VWA3B: variants seen among roughly 807,000 people sequenced by gnomAD.
VWA3B encodes von Willebrand factor A domain containing 3B.
Under a neutral mutation model 158.3 loss-of-function variants are expected in VWA3B, and 138 were observed. That is an observed-to-expected ratio of 0.87 (90% CI 0.76 to 1.00). The LOEUF (loss-of-function observed/expected upper bound fraction) is 1.00. Ranked by LOEUF, VWA3B falls within the 50% of genes least tolerant of loss-of-function variation. VWA3B has a pLI of 0.00. For synonymous variants in VWA3B, 596 were observed against 587.3 expected (o/e 1.01, Z -0.21); for missense variants, 1,555 against 1,565.1 (o/e 0.99, Z 0.11).
rs1417036945 is a variant in VWA3B at position 98,194,498 on chromosome 2, T to C, written c.1737+6T>C. 6.2e-7 allele frequency: 1 copy of C among 1,613,196 alleles called. No individual in the cohort carries two copies. The highest frequency in any genetic ancestry group is 1.1e-5 in the South Asian group (1 of 91,016). ...CCTGGATTAGAGACATAAAGGTAAGTTGGAGACTAAGCTGGGAGAAGCATC... is the reference window on the plus strand; with the variant it reads ...CCTGGATTAGAGACATAAAGGTAAGCTGGAGACTAAGCTGGGAGAAGCATC... On this transcript the variant is annotated splice_donor_region_variant and intron_variant, in intron 12 of 27. Coordinates refer to ENST00000477737, the MANE Select transcript of VWA3B (RefSeq NM_144992.5).
At chr2:98,146,861 G>C (rs559142693) in intron 7 of VWA3B, among the ~76,000 whole-genome samples, 5 of 152,178 alleles carry the variant, frequency 3.3e-5, no homozygotes, top group Admixed American at 1.3e-4. Context: ...AAGTATAAAC[G>C]TTCCAAGATG....
chr2:98,300,255 G>A, intron 25 of VWA3B, 39 bp downstream of exon 25: 1 of 1,611,350 alleles, frequency 6.2e-7, no homozygotes, highest in East Asian at 2.2e-5. Context: ...TTTCTCCTGG[G>A]CAATGCCAGG....
intron 2 of VWA3B, among the ~76,000 whole-genome samples, chr2:98,102,489 C>A (rs548109020): frequency 1.2e-4 from 19 of 152,148 alleles, no homozygotes; most frequent in Non-Finnish European, 2.5e-4. Flanking sequence ...GACCAGGCGG[C>A]CGGGCAGAGA....
intron 20 of VWA3B, among the ~76,000 whole-genome samples, chr2:98,254,809 C>T (rs2105817758): frequency 6.6e-6 from 1 of 152,250 alleles, no homozygotes; most frequent in East Asian, 1.9e-4. Flanking sequence ...CGGAGTCTAC[C>T]CTCTTCAGAG....
intron 16 of VWA3B, among the ~76,000 whole-genome samples, 198 bp downstream of exon 16, chr2:98,230,405 A>G (rs147823592): frequency 3.7e-4 from 56 of 152,340 alleles, no homozygotes; most frequent in African/African-American, 1.3e-3. Flanking sequence ...CAATGGTAAC[A>G]TCTTGCAAAA....
At chr2:98,200,902 C>T (rs1024500502) in intron 12 of VWA3B, among the ~76,000 whole-genome samples, 16 of 152,176 alleles carry the variant, frequency 1.1e-4, no homozygotes, top group South Asian at 4.1e-4. Context: ...TTCCTCTCTC[C>T]GTGGAATTAC....
At chr2:98,166,648 C>T (rs979131862) in intron 8 of VWA3B, among the ~76,000 whole-genome samples, 1 of 152,104 alleles carries the variant, frequency 6.6e-6, no homozygotes, top group African/African-American at 2.4e-5. Context: ...GATGGCAGCC[C>T]AAGCTGACTA....
At chr2:98,299,298 G>A (rs1195176442) in intron 24 of VWA3B, among the ~76,000 whole-genome samples, 1 of 152,154 alleles carries the variant, frequency 6.6e-6, no homozygotes, top group Non-Finnish European at 1.5e-5. Flanking sequence ...CTGTTCTCCT[G>A]CCTCAGTTGG....
In VWA3B at chr2:98,196,298, G is replaced by C. The variant is rs1214503783; in HGVS notation, c.1737+1806G>C. On this transcript the variant is annotated intron_variant, in intron 12 of 27. Transcript: ENST00000477737. ...GTTCTCACCACTCAAAAATATGTCA[G>C]GTGACAGATTTGTTAATTAGCTTGG... is the stretch of plus-strand genomic sequence containing the variant. 2.0e-5 allele frequency among the ~76,000 whole-genome samples: 3 copies of C among 152,056 alleles called. No homozygotes were observed. In the East Asian group the frequency reaches 5.8e-4, roughly 29 times the overall value.
At chr2:98,131,655 G>A (rs1367826207) in intron 6 of VWA3B, among the ~76,000 whole-genome samples, 1 of 152,094 alleles carries the variant, frequency 6.6e-6, no homozygotes, top group Non-Finnish European at 1.5e-5. Flanking sequence ...AGGGTAAGAT[G>A]GCATCTTGTT....
At chr2:98,232,106 G>T (rs1376552562) in intron 16 of VWA3B, among the ~76,000 whole-genome samples, 1 of 152,144 alleles carries the variant, frequency 6.6e-6, no homozygotes, top group Non-Finnish European at 1.5e-5. Flanking sequence ...TTATCATGGA[G>T]CCATTTCGGC....
intron 2 of VWA3B, among the ~76,000 whole-genome samples, chr2:98,109,395 T>C (rs1426203100): frequency 6.6e-6 from 1 of 152,244 alleles, no homozygotes; most frequent in Non-Finnish European, 1.5e-5. Flanking sequence ...GTCAACATTT[T>C]ACCAGTTTGA....
chr2:98,104,478 C>T (rs1445385758), intron 2 of VWA3B, among the ~76,000 whole-genome samples: 1 of 152,192 alleles, frequency 6.6e-6, no homozygotes, highest in Non-Finnish European at 1.5e-5. Context: ...AGATTGAGAA[C>T]TCCCTCATTC....
the VWA3B span, among the ~76,000 whole-genome samples, chr2:98,329,943 G>A: frequency 2.0e-5 from 3 of 152,178 alleles, no homozygotes; most frequent in African/African-American, 7.2e-5. Context: ...GTAAAGATGG[G>A]TGATAAGAAG....
At chr2:98,245,135 T>C (rs1376093404) in intron 19 of VWA3B, among the ~76,000 whole-genome samples, 1 of 152,076 alleles carries the variant, frequency 6.6e-6, no homozygotes, top group Non-Finnish European at 1.5e-5. Context: ...CTCCCTTAAA[T>C]CAAATATTAT....
chr2:98,106,517 G>A (rs1023524201), intron 2 of VWA3B, among the ~76,000 whole-genome samples: 4 of 152,050 alleles, frequency 2.6e-5, no homozygotes, highest in Non-Finnish European at 5.9e-5. Context: ...TTCAGTTCAC[G>A]AATATGAAAT....
chr2:98,281,228 T>C (rs957254682), intron 22 of VWA3B, among the ~76,000 whole-genome samples: 1 of 152,226 alleles, frequency 6.6e-6, no homozygotes, highest in Non-Finnish European at 1.5e-5. Flanking sequence ...TCCCAAACGC[T>C]TCAGGTTAGC....
At chr2:98,248,007 C>G (rs923552748) in intron 19 of VWA3B, among the ~76,000 whole-genome samples, 41 of 152,084 alleles carry the variant, frequency 2.7e-4, no homozygotes, top group African/African-American at 9.4e-4. Flanking sequence ...CCCAGTTCAC[C>G]AGTTCTTTTT....
chr2:98,236,486 T>A lies in VWA3B; in HGVS notation c.2516+9T>A. 6.2e-7 allele frequency: 1 copy of A among 1,614,246 alleles called. No homozygotes were observed. The highest frequency in any genetic ancestry group is 8.5e-7 in the Non-Finnish European group (1 of 1,180,022). On this transcript the variant is annotated intron_variant, in intron 18 of 27. Transcript: ENST00000477737. ...CAGGTTTATGACCACGAGTGAGTTC[T>A]TTAATTTGACAAAGACAGTTCTGTT...
Sources: gnomAD v4.1 joint callset for allele counts (sites outside exome capture counted in the v4.1 genomes callset) on GRCh38, gnomAD v4.1.1 for gene constraint, MANE v1.5 for transcripts, NCBI Gene and HGNC (gene_info 2026-07-23, HGNC 2026-07-21) for gene names.